The following ARFGEF3 variants were observed in gnomAD, a reference collection of about 807,000 sequenced individuals.
ARFGEF3 encodes the protein brefeldin A-inhibited guanine nucleotide-exchange protein 3.
A neutral mutation model predicts 221.7 loss-of-function variants in ARFGEF3; 96 were observed. That is an observed-to-expected ratio of 0.43 (90% CI 0.37 to 0.51). The LOEUF is 0.51. ARFGEF3 is among the 20% of genes least tolerant of loss of function. The pLI is 0.00. For synonymous variants in ARFGEF3, 1,145 were observed against 1,126.8 expected (o/e 1.02, Z -0.32); for missense variants, 2,410 against 2,789.9 (o/e 0.86, Z 3.07).
chr6:138,262,435 G>A (rs943408421), intron 11 of ARFGEF3, among the ~76,000 whole-genome samples: 4 of 152,038 alleles, frequency 2.6e-5, no homozygotes, highest in East Asian at 3.9e-4. Context: ...CAAGTGATCC[G>A]CCCACCTCAG....
chr6:138,174,311 A>G (rs1056849849), intron 2 of ARFGEF3, among the ~76,000 whole-genome samples: 18 of 152,026 alleles, frequency 1.2e-4, no homozygotes, highest in African/African-American at 3.6e-4. Context: ...GGGAAATGAT[A>G]TAAAGAGGAG....
chr6:138,165,463 C>T (rs951183671), intron 1 of ARFGEF3, among the ~76,000 whole-genome samples: 2 of 151,290 alleles, frequency 1.3e-5, no homozygotes, highest in Non-Finnish European at 3.0e-5. Context: ...TCATTCCCCA[C>T]TGAGACCCTC....
chr6:138,332,697 CACA>C (rs1780248668), intron 32 of ARFGEF3, among the ~76,000 whole-genome samples: 1 of 152,136 alleles, frequency 6.6e-6, no homozygotes, highest in African/African-American at 2.4e-5. Context: ...GTGATGGTTA[CACA>C]ACATTATGAA....
rs867529639 is a variant in ARFGEF3 at position 138,264,903 on chromosome 6, C to T, written c.2128+1292C>T. Reference sequence around the variant, plus strand: ...ATAAGAAGGAACAAATTTTTTTTTCCTTTTTTTTTTTTTTTTCTGAGAGAA... The same window carrying T: ...ATAAGAAGGAACAAATTTTTTTTTCTTTTTTTTTTTTTTTTTCTGAGAGAA... On this transcript the variant is annotated intron_variant, in intron 12 of 33. Coordinates refer to ENST00000251691, the MANE Select transcript of ARFGEF3 (RefSeq NM_020340.5). Among the ~76,000 whole-genome samples, 1,078 of 137,346 alleles carry T rather than the reference C, an allele frequency of 7.8e-3. 19 individuals carry two copies. Among genetic ancestry groups the T allele is most frequent in the African/African-American group, 0.028 (1,026 of 37,110 alleles). 90.1% of individuals were successfully genotyped at this position (137,346 alleles called of 152,430 possible).
Position 138,209,847 on chromosome 6 carries a change from T to C in ARFGEF3, c.220-63T>C. 8 of 1,584,558 alleles carry C rather than the reference T, an allele frequency of 5.0e-6. No homozygotes were observed. In the Admixed American group the frequency reaches 1.2e-4, roughly 24 times the overall value. ...AACTGATCATCAATCCATAATAAGA[T>C]ACAACCAAATAAGGCAGCAGGGGAG... On this transcript the variant is annotated intron_variant, in intron 3 of 33. Coordinates refer to ENST00000251691, the MANE Select transcript of ARFGEF3 (RefSeq NM_020340.5).
At chr6:138,264,402 G>A (rs1475155783) in intron 12 of ARFGEF3, among the ~76,000 whole-genome samples, 1 of 152,180 alleles carries the variant, frequency 6.6e-6, no homozygotes, top group Non-Finnish European at 1.5e-5. Flanking sequence ...ATAAATGTTG[G>A]TATGGTACCA....
At chr6:138,240,572 G>A (rs531097406) in intron 6 of ARFGEF3, among the ~76,000 whole-genome samples, 1 of 152,290 alleles carries the variant, frequency 6.6e-6, no homozygotes, top group Admixed American at 6.5e-5. Context: ...TGGCTAAACA[G>A]CCTTCTGGTC....
chr6:138,216,795 A>G (rs144087775), intron 4 of ARFGEF3: 1 of 152,324 alleles, frequency 6.6e-6, no homozygotes, highest in Non-Finnish European at 1.5e-5. Context: ...TTAACTCCTG[A>G]ATGTGTCGTT....
intron 4 of ARFGEF3, among the ~76,000 whole-genome samples, chr6:138,212,813 G>A (rs1777757317): frequency 6.6e-6 from 1 of 152,086 alleles, no homozygotes; most frequent in African/African-American, 2.4e-5. Flanking sequence ...ACTTATAGGT[G>A]GGAATTGAAC....
intron 4 of ARFGEF3, among the ~76,000 whole-genome samples, chr6:138,220,804 G>A (rs1777970698): frequency 6.6e-6 from 1 of 152,156 alleles, no homozygotes; most frequent in South Asian, 2.1e-4. Context: ...GACCAATCCA[G>A]TTTGTTCTCC....
At chr6:138,331,811 C>G (rs1038920115) in intron 32 of ARFGEF3, among the ~76,000 whole-genome samples, 2 of 152,138 alleles carry the variant, frequency 1.3e-5, no homozygotes, top group Non-Finnish European at 2.9e-5. Flanking sequence ...CTCCTGTCAG[C>G]GTAGATGATT....
chr6:138,218,265 AC>A (rs773566105), intron 4 of ARFGEF3: 11 of 1,609,326 alleles, frequency 6.8e-6, no homozygotes, highest in Non-Finnish European at 7.6e-6. Flanking sequence ...TGGTAAGAGC[AC>A]AGTTTCTGGA....
At position 138,253,888 on chromosome 6, in the gene ARFGEF3, A is replaced by G. The variant is rs1778624589; in HGVS notation, c.674A>G (p.Gln225Arg). Reference protein sequence around the residue: ...EKLQAAINDSQQLQLLYLECI... With the variant: ...EKLQAAINDSRQLQLLYLECI... ...GTTCTGCTCTTCTGCAGTGACAGCCAGCAGCTGCAGCTTCTCTACCTGGAG... is the reference window on the plus strand; with the variant it reads ...GTTCTGCTCTTCTGCAGTGACAGCCGGCAGCTGCAGCTTCTCTACCTGGAG... Residue 225 changes from glutamine to arginine, a missense_variant, in exon 9 of 34, where the codon CAG (glutamine) becomes CGG (arginine). Gln to Arg is a conservative substitution (Grantham distance 43). Coordinates refer to ENST00000251691, the MANE Select transcript of ARFGEF3 (RefSeq NM_020340.5). 6 of 1,579,648 alleles carry G rather than the reference A, an allele frequency of 3.8e-6. No homozygotes were observed. Among genetic ancestry groups the G allele is most frequent in the Non-Finnish European group, 5.2e-6 (6 of 1,162,408 alleles).
chr6:138,170,189 A>T (rs955307386), intron 1 of ARFGEF3, among the ~76,000 whole-genome samples: 19 of 152,226 alleles, frequency 1.2e-4, no homozygotes, highest in African/African-American at 4.3e-4. Context: ...TAATTTTTTA[A>T]AAAAAGTTTA....
chr6:138,259,120 A>G (rs1778741173), intron 10 of ARFGEF3, among the ~76,000 whole-genome samples: 2 of 152,180 alleles, frequency 1.3e-5, no homozygotes, highest in African/African-American at 4.8e-5. Flanking sequence ...ATGTTCTGAA[A>G]AGTGGTGCCT....
intron 1 of ARFGEF3, among the ~76,000 whole-genome samples, chr6:138,169,624 G>T (rs943241533): frequency 6.6e-6 from 1 of 152,066 alleles, no homozygotes; most frequent in Non-Finnish European, 1.5e-5. Context: ...TGCATCTCAG[G>T]GCTTCCCTTT....
At position 138,335,009 on chromosome 6, in the gene ARFGEF3, G is replaced by A. The variant is rs1161846241; in HGVS notation, c.6163G>A (p.Gly2055Ser). The change falls in exon 33 of 34, where the codon GGT becomes AGT. Residue 2055 changes from glycine (G) to serine (S), a missense_variant. Gly to Ser is a moderately conservative substitution (Grantham distance 56). Around this residue, in one of 5 missense-constraint regions of ARFGEF3, gnomAD observed 339 missense variants for 334.9 expected, o/e 1.01. Transcript: ENST00000251691. ...AGTGGAGAAGAAAGGAGAGCCACTG[G>A]GTCCCAGGGGCCAGGACTCCCCGCT... is the stretch of plus-strand genomic sequence containing the variant. ...VKVEKKGEPL[G>S]PRGQDSPLLQ... 1 of 1,588,578 alleles carries A rather than the reference G, an allele frequency of 6.3e-7. No homozygotes were observed. Among genetic ancestry groups the A allele is most frequent in the Non-Finnish European group, 8.6e-7 (1 of 1,168,234 alleles).
chr6:138,170,117 C>A (rs1251624812), intron 1 of ARFGEF3, among the ~76,000 whole-genome samples: 1 of 152,192 alleles, frequency 6.6e-6, no homozygotes, highest in African/African-American at 2.4e-5. Flanking sequence ...AAGTATTGAA[C>A]ATCCAGGTTG....
chr6:138,294,847 C>CT (rs1380830863), intron 20 of ARFGEF3, among the ~76,000 whole-genome samples: 1 of 152,194 alleles, frequency 6.6e-6, no homozygotes, highest in African/African-American at 2.4e-5. Flanking sequence ...GAGCCATGTG[C>CT]TGGGGATGCA....
Sources: allele counts gnomAD v4.1 joint callset (sites outside exome capture counted in the v4.1 genomes callset), GRCh38; gene constraint gnomAD v4.1.1; regional missense constraint gnomAD v4.1.1; transcripts MANE v1.5; gene names NCBI Gene and HGNC (gene_info 2026-07-23, HGNC 2026-07-21).